CUX1: variants seen among roughly 807,000 people sequenced by gnomAD.
CUX1 encodes the protein cut like homeobox 1, also known as protein CASP.
A neutral mutation model predicts 158.8 loss-of-function variants in CUX1; 31 were observed. The observed-to-expected ratio is 0.20, with a 90% CI of 0.15 to 0.26. The LOEUF (loss-of-function observed/expected upper bound fraction) is 0.26. Among genes scored for constraint, CUX1 ranks in the 10% least tolerant of loss-of-function variants. The pLI, the probability that CUX1 is intolerant of heterozygous loss-of-function variation, is 1.00. For missense variants in CUX1, 1,589 were observed against 2,014.6 expected (o/e 0.79, Z 4.04); for synonymous variants, 879 against 862.1 (o/e 1.02, Z -0.34).
At chr7:102,114,386 C>T (rs1157059813) in intron 7 of CUX1, among the ~76,000 whole-genome samples, 1 of 152,180 alleles carries the variant, frequency 6.6e-6, no homozygotes, top group Non-Finnish European at 1.5e-5. Context: ...AGTGATTCTC[C>T]TGCCTTATCC....
At chr7:101,816,576 C>T (rs1438669400), upstream of CUX1, among the ~76,000 whole-genome samples, 7 of 141,750 alleles carry the variant, frequency 4.9e-5, no homozygotes, top group Admixed American at 4.8e-4. Flanking sequence ...TGGCGCCCGC[C>T]CGCCCGCTCG....
At position 102,201,436 on chromosome 7, in the gene CUX1, C is replaced by G; in HGVS notation, c.2139C>G (p.Ala713=). The G allele has an allele frequency of 1.2e-6, 2 of 1,614,128 alleles. No homozygotes were observed. The highest frequency in any genetic ancestry group is 1.7e-6 in the Non-Finnish European group (2 of 1,180,032). Residue 713 remains alanine, a synonymous_variant, in exon 18 of 24, where the codon GCC becomes GCG. Coordinates refer to ENST00000292535, the MANE Select transcript of CUX1 (RefSeq NM_181552.4). The surrounding 1 kb of genome is among the most constrained non-coding windows in gnomAD (Gnocchi z 5.0). ...CCATCCGCTCCATCCTGCAGCAAGC[C>G]CGCCGGGAGATGGAGGCCCAGCAGG... ...DDAIRSILQQ[A]RREMEAQQAA...
rs545840779 is a variant in CUX1, at chr7:101,861,608, T to C, written c.30+43939T>C. ...GGGGGCTCAGTGCTGCAGAGGCACA[T>C]GTAGGGTGGGGTGGGGTGGGGTGGA... On this transcript the variant is annotated intron_variant, in intron 1 of 23. Coordinates refer to ENST00000292535, the MANE Select transcript of CUX1 (RefSeq NM_181552.4). Among the ~76,000 whole-genome samples the C allele has an allele frequency of 1.1e-4, 13 of 116,076 alleles. No individual in the cohort carries two copies. In the East Asian group the frequency reaches 3.5e-3, roughly 32 times the overall value. 76.2% of individuals were successfully genotyped at this position (116,076 alleles called of 152,430 possible). A position where few individuals can be genotyped will look rare whatever the true frequency, so the allele number is the denominator to read the frequency against.
intron 8 of CUX1, among the ~76,000 whole-genome samples, chr7:102,122,736 A>G (rs6969463): frequency 2.0e-5 from 3 of 152,222 alleles, no homozygotes; most frequent in African/African-American, 2.4e-5. Context: ...TGTAATAGAC[A>G]TGTCTATTGC....
At chr7:101,870,158 T>G (rs572893918) in intron 1 of CUX1, among the ~76,000 whole-genome samples, 15 of 149,264 alleles carry the variant, frequency 1.0e-4, no homozygotes, top group African/African-American at 2.2e-4. Context: ...TTTTTGTTTT[T>G]TTTTTTTTTT....
chr7:102,173,053 C>T (rs868918365), intron 10 of CUX1, among the ~76,000 whole-genome samples: 3 of 152,032 alleles, frequency 2.0e-5, no homozygotes, highest in Middle Eastern at 3.4e-3. Flanking sequence ...AGAGAGAAAC[C>T]CTGTCTCCAA....
At chr7:101,883,481 A>G (rs1022678610) in intron 1 of CUX1, among the ~76,000 whole-genome samples, 7 of 152,198 alleles carry the variant, frequency 4.6e-5, no homozygotes, top group African/African-American at 1.7e-4. Flanking sequence ...AGATCCCCGT[A>G]GCATGCCAGA....
chr7:102,131,925 G>C (rs1361062353), intron 8 of CUX1, among the ~76,000 whole-genome samples: 1 of 152,098 alleles, frequency 6.6e-6, no homozygotes, highest in East Asian at 1.9e-4. Context: ...ACCCACCTCT[G>C]CCTGCCAAAG....
chr7:102,017,290 CA>C (rs10629776), intron 2 of CUX1, among the ~76,000 whole-genome samples: 4,005 of 131,576 alleles, frequency 0.03, 76 homozygotes, highest in Non-Finnish European at 0.036. Flanking sequence ...GACTCCATCT[CA>C]AAAAAAAAAA....
Position 102,097,489 on chromosome 7 carries a change from G to A in CUX1, c.394G>A (p.Val132Met), listed in dbSNP as rs371126154. The A allele has an allele frequency of 1.6e-4, 259 of 1,598,364 alleles. No homozygotes were observed. Among genetic ancestry groups the A allele is most frequent in the Non-Finnish European group, 2.0e-4 (236 of 1,176,360 alleles). Reference protein sequence around the residue: ...LEEYNKEFAEVKNQEVTIKAL... With the variant: ...LEEYNKEFAEMKNQEVTIKAL... ...AGAATACAACAAGGAATTTGCTGAA[G>A]TGAAAAATCAAGGTTGGTGGAAAAT... is the stretch of plus-strand genomic sequence containing the variant. Residue 132 changes from valine to methionine, a missense_variant, in exon 5 of 24, where the codon GTG (valine) becomes ATG (methionine). Transcript: ENST00000292535.
chr7:102,214,059 C>T (rs1360365987), intron 20 of CUX1, among the ~76,000 whole-genome samples: 1 of 151,998 alleles, frequency 6.6e-6, no homozygotes, highest in Admixed American at 6.6e-5. Context: ...TAACTCGAAC[C>T]CAGAGGTGGT....
chr7:102,008,097 C>T (rs1431032703), intron 2 of CUX1, among the ~76,000 whole-genome samples: 1 of 152,112 alleles, frequency 6.6e-6, no homozygotes, highest in Non-Finnish European at 1.5e-5. Flanking sequence ...CAGGCTTTCC[C>T]CTCTGGCCTG....
chr7:101,904,319 T>C (rs571050282), intron 1 of CUX1, among the ~76,000 whole-genome samples: 2 of 152,238 alleles, frequency 1.3e-5, no homozygotes, highest in African/African-American at 2.4e-5. Context: ...AAAATTTGTA[T>C]GTTTATATAC....
At chr7:102,043,573 G>A (rs892501140) in intron 3 of CUX1, among the ~76,000 whole-genome samples, 39 of 152,028 alleles carry the variant, frequency 2.6e-4, no homozygotes, top group African/African-American at 8.2e-4. Flanking sequence ...AATCTCCTGC[G>A]TGTACCAAGG....
chr7:102,117,064 G>T (rs901851791), intron 8 of CUX1, among the ~76,000 whole-genome samples: 4 of 152,148 alleles, frequency 2.6e-5, no homozygotes, highest in African/African-American at 9.7e-5. Flanking sequence ...CAGACAGGGA[G>T]CCTGCAGGTG....
Position 102,081,300 on chromosome 7 carries a change from G to T in CUX1, c.268+10883G>T, listed in dbSNP as rs979591717. 4.3e-5 allele frequency among the ~76,000 whole-genome samples: 5 copies of T among 116,872 alleles called. 2 individuals carry two copies. Among genetic ancestry groups the T allele is most frequent in the East Asian group, 3.9e-4 (2 of 5,078 alleles). The allele number at this position is 116,872 out of a possible 152,430, so 76.7% of individuals were successfully genotyped here. On this transcript the variant is annotated intron_variant, in intron 4 of 23. Coordinates refer to ENST00000292535, the MANE Select transcript of CUX1 (RefSeq NM_181552.4). Reference sequence around the variant, plus strand: ...GATAGTCAGTGACATCACCATTCACGCAGGTGCTTTGGCCACTGATATGGT... The same window carrying T: ...GATAGTCAGTGACATCACCATTCACTCAGGTGCTTTGGCCACTGATATGGT...
chr7:102,064,915 AGATAG>A (rs1488995264), intron 3 of CUX1, among the ~76,000 whole-genome samples: 2 of 152,154 alleles, frequency 1.3e-5, no homozygotes, highest in African/African-American at 4.8e-5. Flanking sequence ...CTTGCAGCAT[AGATAG>A]GTTTTGAGTG....
chr7:102,274,197 T>G, intron 15 of CUX1: 1 of 1,560,494 alleles, frequency 6.4e-7, no homozygotes, highest in East Asian at 2.2e-5. Flanking sequence ...GAATATTCCG[T>G]GCCCATTGTG....
At chr7:101,889,300 G>A (rs1399830602) in intron 1 of CUX1, among the ~76,000 whole-genome samples, 1 of 148,272 alleles carries the variant, frequency 6.7e-6, no homozygotes, top group Non-Finnish European at 1.5e-5. Context: ...ATCGTTTCCC[G>A]AGGGTCTTTG....
Sources: allele counts gnomAD v4.1 joint callset (sites outside exome capture counted in the v4.1 genomes callset), GRCh38; gene constraint gnomAD v4.1.1; non-coding constraint Gnocchi (gnomAD v3.1); transcripts MANE v1.5; gene names NCBI Gene and HGNC (gene_info 2026-07-23, HGNC 2026-07-21).